Variants in TENT5D observed in about 807,000 individuals in gnomAD.
TENT5D encodes cancer/testis antigen 112.
For missense variants in TENT5D, 191 were observed against 287.0 expected (o/e 0.67, Z 2.42); for synonymous variants, 103 against 100.6 (o/e 1.02, Z -0.15).
chrX:80,409,467 A>G (rs1214110754), intron 3 of TENT5D, among the ~76,000 whole-genome samples: 1 of 110,673 alleles, frequency 9.0e-6, no homozygotes, highest in African/African-American at 3.3e-5. Flanking sequence ...AGACAAATAG[A>G]GAGCCAAATG....
chrX:80,386,936 C>G (rs1163887135), intron 3 of TENT5D, among the ~76,000 whole-genome samples: 2 of 111,776 alleles, frequency 1.8e-5, no homozygotes, highest in Non-Finnish European at 3.8e-5. Flanking sequence ...AATTCCGGAC[C>G]AACCAGCCTC....
intron 3 of TENT5D, among the ~76,000 whole-genome samples, chrX:80,408,812 T>C (rs372855045): frequency 1.8e-5 from 2 of 110,388 alleles, no homozygotes; most frequent in African/African-American, 3.3e-5. Context: ...GAATTTTAGA[T>C]CAATATCCTT....
intron 3 of TENT5D, among the ~76,000 whole-genome samples, chrX:80,384,711 AG>A (rs1930953941): frequency 9.5e-6 from 1 of 105,210 alleles, no homozygotes; most frequent in African/African-American, 3.5e-5. Context: ...GAAGCTGATA[AG>A]CAGCTTCAGC....
At chrX:80,341,142 A>C in intron 2 of TENT5D, among the ~76,000 whole-genome samples, 1 of 112,466 alleles carries the variant, frequency 8.9e-6, no homozygotes, top group Non-Finnish European at 1.9e-5. Context: ...TTCATTTGTG[A>C]CTATGCACAT....
At chrX:80,444,507 T>C (rs1485662468) in exon 3 of TENT5D, 1 of 122,531 alleles carries the variant, frequency 8.2e-6, no homozygotes, top group African/African-American at 3.3e-5. Flanking sequence ...GCTCTGAATG[T>C]GAAAGCTTTC....
chrX:80,441,069 C>T (rs1932273821), intron 2 of TENT5D, among the ~76,000 whole-genome samples: 1 of 111,233 alleles, frequency 9.0e-6, no homozygotes, highest in South Asian at 3.7e-4. Flanking sequence ...ATTCTGAAAG[C>T]CTGATATGTA....
upstream of TENT5D, among the ~76,000 whole-genome samples, chrX:80,416,134 A>G (rs1051265764): frequency 1.8e-4 from 20 of 108,842 alleles, no homozygotes; most frequent in African/African-American, 6.4e-4. Context: ...GTCAGTGGTA[A>G]TGTCCCTGTA....
chrX:80,366,560 A>C (rs779093664), intron 3 of TENT5D, among the ~76,000 whole-genome samples: 1 of 111,673 alleles, frequency 9.0e-6, no homozygotes, highest in East Asian at 2.8e-4. Flanking sequence ...TTGAAATAGC[A>C]TAACAAATAA....
intron 2 of TENT5D, among the ~76,000 whole-genome samples, chrX:80,441,931 C>T (rs1467842253): frequency 1.2e-4 from 13 of 110,711 alleles, no homozygotes; most frequent in Non-Finnish European, 2.5e-4. Flanking sequence ...TAGGTACTTT[C>T]CTTATTAAGG....
At chrX:80,382,703 C>G (rs372330284) in intron 3 of TENT5D, among the ~76,000 whole-genome samples, 271 of 1,992 alleles carry the variant, frequency 0.14, 1 homozygote, top group African/African-American at 0.27. Context: ...CAATGGCGGA[C>G]GCCCCCCCCC....
At chrX:80,429,532 A>C (rs959564203) in intron 1 of TENT5D, among the ~76,000 whole-genome samples, 11 of 109,066 alleles carry the variant, frequency 1.0e-4, no homozygotes, top group African/African-American at 3.7e-4. Context: ...CAAACTCCTG[A>C]CCTCAAGTGA....
intron 3 of TENT5D, among the ~76,000 whole-genome samples, chrX:80,374,009 T>C: frequency 9.0e-6 from 1 of 110,990 alleles, no homozygotes; most frequent in Non-Finnish European, 1.9e-5. Flanking sequence ...CTCGACCCTC[T>C]GAAAGGCCTC....
chrX:80,361,988 C>T (rs1461571960), intron 3 of TENT5D, among the ~76,000 whole-genome samples: 1 of 110,120 alleles, frequency 9.1e-6, no homozygotes, highest in Non-Finnish European at 1.9e-5. Context: ...TTCTCCATTC[C>T]CCCTTTTTTG....
At chrX:80,396,966 A>T in intron 3 of TENT5D, among the ~76,000 whole-genome samples, 1 of 59,325 alleles carries the variant, frequency 1.7e-5, no homozygotes, top group African/African-American at 6.4e-5. Flanking sequence ...CTCACTTCCC[A>T]GTAGGGGCGG....
intron 3 of TENT5D, among the ~76,000 whole-genome samples, chrX:80,355,692 G>C (rs1413636630): frequency 8.9e-6 from 1 of 111,797 alleles, no homozygotes; most frequent in Non-Finnish European, 1.9e-5. Flanking sequence ...CTGGGGGCCA[G>C]GAATGATTCC....
chrX:80,393,986 T>C, intron 3 of TENT5D, among the ~76,000 whole-genome samples: 1 of 112,182 alleles, frequency 8.9e-6, no homozygotes, highest in Non-Finnish European at 1.9e-5. Flanking sequence ...TTTCCACATC[T>C]TGGTTATTGT....
chrX:80,355,385 A>G (rs1335915165), intron 3 of TENT5D, among the ~76,000 whole-genome samples: 1 of 111,756 alleles, frequency 8.9e-6, no homozygotes, highest in East Asian at 2.8e-4. Flanking sequence ...CCCACGGCCA[A>G]GATAACCCTG....
intron 1 of TENT5D, among the ~76,000 whole-genome samples, chrX:80,437,408 T>C (rs1248950841): frequency 9.0e-6 from 1 of 111,707 alleles, no homozygotes; most frequent in Admixed American, 9.6e-5. Flanking sequence ...TACTACAGGT[T>C]TTACTTTTGA....
At chrX:80,421,055 G>A (rs991424767) in intron 1 of TENT5D, among the ~76,000 whole-genome samples, 3 of 112,234 alleles carry the variant, frequency 2.7e-5, no homozygotes, top group Non-Finnish European at 5.6e-5. Flanking sequence ...ACATACCAGT[G>A]AAAGAAAGTT....
Sources: gnomAD v4.1 joint callset for allele counts (sites outside exome capture counted in the v4.1 genomes callset) on GRCh38, gnomAD v4.1.1 for gene constraint, MANE v1.5 for transcripts, NCBI Gene and HGNC (gene_info 2026-07-23, HGNC 2026-07-21) for gene names.